PODXL2: variants seen among roughly 807,000 people sequenced by gnomAD.
PODXL2 encodes the protein podocalyxin-like protein 2.
Under a neutral mutation model 53.4 loss-of-function variants are expected in PODXL2, and 17 were observed. That is an observed-to-expected ratio of 0.32 (90% CI 0.22 to 0.48). PODXL2 has a LOEUF of 0.48. Ranked by LOEUF, PODXL2 falls within the 20% of genes least tolerant of loss-of-function variation. PODXL2 has a pLI of 0.99. For missense variants in PODXL2, 673 were observed against 760.0 expected, an observed-to-expected ratio of 0.89 and a Z score of 1.35; for synonymous variants, 311 against 306.7, an observed-to-expected ratio of 1.01 and a Z score of -0.15.
Position 127,661,097 on chromosome 3 carries a change from C to T in PODXL2, c.1069C>T (p.Gln357Ter), listed in dbSNP as rs2074765036. The T allele has an allele frequency of 6.2e-7, 1 of 1,614,098 alleles. No homozygotes were observed. The highest frequency in any genetic ancestry group is 1.7e-5 in the Admixed American group (1 of 60,010). Residue 357 changes from glutamine to a stop codon, truncating the protein, a stop_gained, in exon 3 of 8, where the codon CAG becomes TAG. Transcript: ENST00000342480. LOFTEE classifies it high-confidence loss of function. The part of the protein sequence containing the change: ...SATLGQEDLN[Q>*]QLLEGQAAEA... ...TACCTTGGGACAAGAAGATCTCAAC[C>T]AGCAGCTCCTAGAAGGGCAGGCAGC...
intron 4 of PODXL2, 72 bp from the exon 5 acceptor site, chr3:127,668,369 G>A: frequency 7.4e-7 from 1 of 1,346,778 alleles, no homozygotes; most frequent in Non-Finnish European, 9.8e-7. Flanking sequence ...TACGGGGCTG[G>A]GCCTAGAGGC....
chr3:127,660,152 T>C (rs955107029), intron 2 of PODXL2, among the ~76,000 whole-genome samples: 2 of 152,188 alleles, frequency 1.3e-5, no homozygotes, highest in African/African-American at 4.8e-5. Context: ...CCTGTGTTCA[T>C]TGAGTTTTGG....
chr3:127,670,363 GC>G (rs1309030343), intron 6 of PODXL2, among the ~76,000 whole-genome samples: 1 of 152,230 alleles, frequency 6.6e-6, no homozygotes, highest in Non-Finnish European at 1.5e-5. Flanking sequence ...GGCCACTGAG[GC>G]CCTTCCCAGT....
chr3:127,662,368 T>A, intron 4 of PODXL2, 57 bp downstream of exon 4: 1 of 1,429,966 alleles, frequency 7.0e-7, no homozygotes, highest in Non-Finnish European at 9.7e-7. Flanking sequence ...GTGGACAGGG[T>A]GGGGCAGAGG....
chr3:127,660,659 A>G lies in PODXL2; in HGVS notation c.631A>G (p.Ser211Gly). The part of the protein sequence containing the change: ...PQVRDFSLTS[S>G]SQTPGATKSR... ...GGTCCGTGACTTTTCTCTCACCAGC[A>G]GCAGCCAGACCCCAGGGGCCACCAA... The change falls in exon 3 of 8, where the codon AGC becomes GGC. Residue 211 changes from serine to glycine, a missense_variant. By Grantham distance (56) the Ser-to-Gly change is moderately conservative. Around this residue, in one of 3 missense-constraint regions of PODXL2, gnomAD observed 588 missense variants for 668.3 expected, o/e 0.88. Coordinates refer to ENST00000342480, the MANE Select transcript of PODXL2 (RefSeq NM_015720.4). 6.2e-7 allele frequency: 1 copy of G among 1,614,224 alleles called. No homozygotes were observed. The highest frequency in any genetic ancestry group is 8.5e-7 in the Non-Finnish European group (1 of 1,180,046).
At position 127,672,729 on chromosome 3, in the gene PODXL2, C is replaced by CGCGGGCG. The variant is rs1165142306; in HGVS notation, c.*260_*266dup. The CGCGGGCG allele has an allele frequency of 4.2e-4, 174 of 410,614 alleles. No homozygotes were observed. The highest frequency in any genetic ancestry group is 3.2e-3 in the African/African-American group (155 of 48,044). 25.4% of individuals were successfully genotyped at this position (410,614 alleles called of 1,614,324 possible). A position where few individuals can be genotyped will look rare whatever the true frequency, so the allele number is the denominator to read the frequency against. On this transcript the variant is annotated 3_prime_UTR_variant, in exon 8 of 8. Transcript: ENST00000342480. ...CTTTCCCGCCCCTGAACCCCGGCCC[C>CGCGGGCG]GCGGGCGGCGGGCGGCGCTTCCTGC...
rs553402865 is a variant in PODXL2, at chr3:127,650,679, C to T, written c.350-9699C>T. The stretch of plus-strand genomic sequence containing the variant: ...TTTTTTGTTGTTGTCGTTGTTGTGA[C>T]GGAGTCTTGCTCTGTCGCCCAGGCT... On this transcript the variant is annotated intron_variant, in intron 2 of 7. Transcript: ENST00000342480. Among the ~76,000 whole-genome samples the T allele has an allele frequency of 8.3e-3, 1,259 of 152,106 alleles. 15 individuals carry two copies. The highest frequency in any genetic ancestry group is 0.012 in the Non-Finnish European group (826 of 67,994).
chr3:127,662,224 TCTC>T lies in PODXL2; in HGVS notation c.1132-9_1132-7del. The stretch of plus-strand genomic sequence containing the variant: ...TTCGTAACTGTCGCCCTTCTTTCTG[TCTC>T]CTCGCACAGGTGATCTGCAAGGACT... On this transcript the variant is annotated splice_polypyrimidine_tract_variant and intron_variant, in intron 3 of 7. Coordinates refer to ENST00000342480, the MANE Select transcript of PODXL2 (RefSeq NM_015720.4). 6.2e-7 allele frequency: 1 copy of T among 1,611,626 alleles called. No homozygotes were observed. The highest frequency in any genetic ancestry group is 8.5e-7 in the Non-Finnish European group (1 of 1,177,774).
intron 2 of PODXL2, among the ~76,000 whole-genome samples, chr3:127,647,382 C>T (rs1318468137): frequency 6.6e-6 from 1 of 152,194 alleles, no homozygotes; most frequent in Non-Finnish European, 1.5e-5. Context: ...CCCACTGACC[C>T]CTCTAGCCCT....
At chr3:127,640,126 G>A (rs373408562) in intron 2 of PODXL2, among the ~76,000 whole-genome samples, 15 of 152,276 alleles carry the variant, frequency 9.9e-5, no homozygotes, top group Middle Eastern at 3.4e-3. Flanking sequence ...AAGAAAGCCC[G>A]AGGCCTAGGG....
Position 127,672,572 on chromosome 3 carries a change from T to G in PODXL2, c.*92T>G. 1 of 823,278 alleles carries G rather than the reference T, an allele frequency of 1.2e-6. No individual in the cohort carries two copies. Among genetic ancestry groups the G allele is most frequent in the Non-Finnish European group, 1.7e-6 (1 of 574,948 alleles). 51.0% of individuals were successfully genotyped at this position (823,278 alleles called of 1,614,324 possible). A position where few individuals can be genotyped will look rare whatever the true frequency, so the allele number is the denominator to read the frequency against. On this transcript the variant is annotated 3_prime_UTR_variant, in exon 8 of 8. Transcript: ENST00000342480. ...CCGGAGCCCGCACCAGCCCCGCGCCTACCCGGGCCGCCCCCGCGGCCTGGC... is the reference window on the plus strand; with the variant it reads ...CCGGAGCCCGCACCAGCCCCGCGCCGACCCGGGCCGCCCCCGCGGCCTGGC...
At chr3:127,643,276 T>A (rs2107706022) in intron 2 of PODXL2, among the ~76,000 whole-genome samples, 1 of 152,340 alleles carries the variant, frequency 6.6e-6, no homozygotes, top group Non-Finnish European at 1.5e-5. Flanking sequence ...AATGGTGTGA[T>A]CTCAGCTCAC....
rs550714594 is a variant in PODXL2, at chr3:127,629,879, C to T, written c.70+590C>T. Among the ~76,000 whole-genome samples, 1 of 152,250 alleles carries T rather than the reference C, an allele frequency of 6.6e-6. No individual in the cohort carries two copies. The highest frequency in any genetic ancestry group is 1.9e-4 in the East Asian group (1 of 5,170). On this transcript the variant is annotated intron_variant, in intron 1 of 7. Transcript: ENST00000342480. The surrounding 1 kb of genome is among the most constrained non-coding windows in gnomAD (Gnocchi z 6.4). The stretch of plus-strand genomic sequence containing the variant: ...TCTATTAGGAGCTGACAAAAACGGG[C>T]GTACAGCCACGGAAGGCCCGTGACA...
Position 127,639,323 on chromosome 3 carries a change from T to G in PODXL2, c.149T>G (p.Leu50Arg). The change falls in exon 2 of 8, where the codon CTC (leucine) becomes CGC (arginine). Residue 50 changes from leucine (L) to arginine (R), a missense_variant. Leu to Arg is a moderately radical substitution (Grantham distance 102). Around this residue, in one of 3 missense-constraint regions of PODXL2, gnomAD observed 588 missense variants for 668.3 expected, o/e 0.88. Transcript: ENST00000342480. Reference sequence around the variant, plus strand: ...CTCACCTCCACCTCCCTGCTAGACCTCCTGCTGCCCACTGGCTTGGAGCCA... The same window carrying G: ...CTCACCTCCACCTCCCTGCTAGACCGCCTGCTGCCCACTGGCTTGGAGCCA... ...EGLTSTSLLD[L>R]LLPTGLEPLD... is the part of the protein sequence containing the mutation. 1.2e-6 allele frequency: 2 copies of G among 1,614,096 alleles called. No individual in the cohort carries two copies. The highest frequency in any genetic ancestry group is 4.5e-5 in the East Asian group (2 of 44,890).
intron 2 of PODXL2, among the ~76,000 whole-genome samples, chr3:127,655,333 AAG>A (rs901921754): frequency 1.7e-4 from 26 of 149,844 alleles, no homozygotes; most frequent in South Asian, 6.4e-4. Flanking sequence ...TTGAACCTGG[AAG>A]GTGGAGGTTG....
intron 2 of PODXL2, among the ~76,000 whole-genome samples, chr3:127,657,370 CAT>C (rs1282534595): frequency 2.0e-5 from 3 of 152,208 alleles, no homozygotes; most frequent in Non-Finnish European, 4.4e-5. Flanking sequence ...GCATTGAATC[CAT>C]CAGCTATTTT....
chr3:127,638,192 T>C (rs2074590329), intron 1 of PODXL2, among the ~76,000 whole-genome samples: 1 of 152,212 alleles, frequency 6.6e-6, no homozygotes, highest in Non-Finnish European at 1.5e-5. Flanking sequence ...GGTTAGGTCA[T>C]TAAGTTAGAG....
chr3:127,668,260 A>C (rs1307051194), intron 4 of PODXL2, among the ~76,000 whole-genome samples, 181 bp from the exon 5 acceptor site: 1 of 152,144 alleles, frequency 6.6e-6, no homozygotes, highest in African/African-American at 2.4e-5. Context: ...ATGGGTGTAC[A>C]TCTTGGGGTT....
rs71150487 is a variant in PODXL2 at position 127,656,734 on chromosome 3, CAAAAAAA to C, written c.350-3624_350-3618del. Among the ~76,000 whole-genome samples, 183 of 28,106 alleles carry C rather than the reference CAAAAAAA, an allele frequency of 6.5e-3. 1 individual carries two copies. The highest frequency in any genetic ancestry group is 0.016 in the African/African-American group (150 of 9,472). 18.4% of individuals were successfully genotyped at this position (28,106 alleles called of 152,430 possible). On this transcript the variant is annotated intron_variant, in intron 2 of 7. Coordinates refer to ENST00000342480, the MANE Select transcript of PODXL2 (RefSeq NM_015720.4). The stretch of plus-strand genomic sequence containing the variant: ...TGGGTGACAGAGCAAGACTCCATCT[CAAAAAAA>C]AAAAAAAAAAAAAAAAAAATAGCTA...
Sources: allele counts gnomAD v4.1 joint callset (sites outside exome capture counted in the v4.1 genomes callset), GRCh38; gene constraint gnomAD v4.1.1; regional missense constraint gnomAD v4.1.1; non-coding constraint Gnocchi (gnomAD v3.1); transcripts MANE v1.5; gene names NCBI Gene and HGNC (gene_info 2026-07-23, HGNC 2026-07-21).